The following NT5C2 variants were observed in gnomAD, a reference collection of about 807,000 sequenced individuals.
NT5C2 encodes the protein 5'-nucleotidase, cytosolic II, also known as cytosolic purine 5'-nucleotidase.
In NT5C2, 58 loss-of-function variants were observed where a neutral mutation model predicts 76.1. The ratio of observed to expected loss-of-function variants is 0.76; its 90% CI spans 0.62 to 0.95. The LOEUF (loss-of-function observed/expected upper bound fraction) is 0.95. Ranked by LOEUF, NT5C2 falls within the 40% of genes least tolerant of loss-of-function variation. The probability of loss-of-function intolerance (pLI) is 0.00; values close to 1 mark genes in which losing one functional copy is unlikely to be tolerated. For synonymous variants in NT5C2, 229 were observed against 237.4 expected (o/e 0.96, Z 0.32); for missense variants, 478 against 690.3 (o/e 0.69, Z 3.45).
In NT5C2 at chr10:103,125,366, G is replaced by A. The variant is rs1314043026; in HGVS notation, c.175+14040C>T. On this transcript the variant is annotated intron_variant, in intron 4 of 18. Coordinates refer to ENST00000404739, the MANE Select transcript of NT5C2 (RefSeq NM_001351169.2). The stretch of plus-strand genomic sequence containing the variant: ...GAACCTGGCGTTTGCCTGTCTTTTC[G>A]ACATTGCTGATGCTCTTGAGGGCAT... The A allele has an allele frequency of 1.7e-4, 57 of 332,092 alleles. 1 individual carries two copies. The highest frequency in any genetic ancestry group is 1.5e-3 in the South Asian group (51 of 33,740). 20.6% of individuals were successfully genotyped at this position (332,092 alleles called of 1,614,324 possible). A position where few individuals can be genotyped will look rare whatever the true frequency, so the allele number is the denominator to read the frequency against.
intron 4 of NT5C2, among the ~76,000 whole-genome samples, chr10:103,113,861 C>G (rs1013914838): frequency 6.6e-6 from 1 of 152,146 alleles, no homozygotes; most frequent in African/African-American, 2.4e-5. Context: ...TTTTTATAAC[C>G]AATTTCTCAA....
At chr10:103,140,997 C>T (rs1331569312) in intron 3 of NT5C2, among the ~76,000 whole-genome samples, 5 of 152,110 alleles carry the variant, frequency 3.3e-5, no homozygotes, top group Admixed American at 1.3e-4. Flanking sequence ...TCCTTTGCTG[C>T]GCAGAAGCTT....
intron 3 of NT5C2, among the ~76,000 whole-genome samples, chr10:103,150,215 A>T (rs1487720105): frequency 6.6e-6 from 1 of 152,204 alleles, no homozygotes; most frequent in Non-Finnish European, 1.5e-5. Flanking sequence ...GTTCTTTTGC[A>T]ATACCCTCCC....
At chr10:103,138,682 T>C (rs953538000) in intron 4 of NT5C2, among the ~76,000 whole-genome samples, 12 of 152,336 alleles carry the variant, frequency 7.9e-5, no homozygotes, top group African/African-American at 2.4e-4. Flanking sequence ...ATCATTTCAA[T>C]GGAAAATGAA....
At chr10:103,154,928 A>C (rs1477849400) in intron 3 of NT5C2, among the ~76,000 whole-genome samples, 1 of 152,202 alleles carries the variant, frequency 6.6e-6, no homozygotes, top group East Asian at 1.9e-4. Flanking sequence ...AGCTCAGTGC[A>C]GTGGAAATAA....
chr10:103,189,817 C>T (rs532625822), intron 1 of NT5C2, among the ~76,000 whole-genome samples: 13 of 150,202 alleles, frequency 8.7e-5, no homozygotes, highest in African/African-American at 3.2e-4. Context: ...TACAGGTGGG[C>T]GCCATCACGC....
chr10:103,137,106 G>T (rs577414039), intron 4 of NT5C2, among the ~76,000 whole-genome samples: 31 of 152,242 alleles, frequency 2.0e-4, no homozygotes, highest in East Asian at 1.4e-3. Flanking sequence ...AAAAATATTT[G>T]TCACTTTTTG....
At chr10:103,174,343 T>C (rs1397037963) in intron 3 of NT5C2, among the ~76,000 whole-genome samples, 1 of 152,174 alleles carries the variant, frequency 6.6e-6, no homozygotes, top group Admixed American at 6.5e-5. Flanking sequence ...AGGCAGAGGT[T>C]GCAGTGAACT....
chr10:103,153,371 G>A, intron 3 of NT5C2: 12 of 1,242,336 alleles, frequency 9.7e-6, no homozygotes, highest in Non-Finnish European at 1.2e-5. Flanking sequence ...GATCTCTTGA[G>A]AACTGTAGCT....
intron 4 of NT5C2, among the ~76,000 whole-genome samples, chr10:103,135,685 G>A (rs905786429): frequency 3.3e-5 from 5 of 152,126 alleles, no homozygotes; most frequent in African/African-American, 9.7e-5. Context: ...CTACTCAGGA[G>A]GCTGAGGCAG....
chr10:103,102,108 T>C (rs1041123796), intron 6 of NT5C2, among the ~76,000 whole-genome samples: 1 of 152,064 alleles, frequency 6.6e-6, no homozygotes, highest in African/African-American at 2.4e-5. Context: ...GGAAAGACAA[T>C]GTGATGCACT....
intron 3 of NT5C2, among the ~76,000 whole-genome samples, chr10:103,142,635 T>C (rs1448115977): frequency 6.6e-6 from 1 of 151,540 alleles, no homozygotes; most frequent in Non-Finnish European, 1.5e-5. Flanking sequence ...ACCACTGCAT[T>C]CCAGCATGGG....
At chr10:103,136,032 A>G (rs945756801) in intron 4 of NT5C2, among the ~76,000 whole-genome samples, 11 of 152,188 alleles carry the variant, frequency 7.2e-5, no homozygotes, top group African/African-American at 2.7e-4. Flanking sequence ...GGTTGCAGTG[A>G]GCCAGGATTG....
chr10:103,161,675 G>A (rs1402098725), intron 3 of NT5C2, among the ~76,000 whole-genome samples: 3 of 151,962 alleles, frequency 2.0e-5, no homozygotes, highest in East Asian at 3.9e-4. Flanking sequence ...TGTGAGCTAT[G>A]ACTGCGCCAC....
At chr10:103,090,510 A>G in intron 18 of NT5C2, 101 bp downstream of exon 18, 2 of 1,091,208 alleles carry the variant, frequency 1.8e-6, no homozygotes, top group Non-Finnish European at 2.6e-6. Flanking sequence ...TCTGTACATC[A>G]GAAAGAAATG....
chr10:103,131,046 A>T (rs2078074314), intron 4 of NT5C2, among the ~76,000 whole-genome samples: 1 of 152,234 alleles, frequency 6.6e-6, no homozygotes, highest in Non-Finnish European at 1.5e-5. Flanking sequence ...GTTTCCTCAG[A>T]ACAAATTTAG....
chr10:103,094,532 C>T, intron 12 of NT5C2, 77 bp from the exon 13 acceptor site: 1 of 764,184 alleles, frequency 1.3e-6, no homozygotes, highest in East Asian at 2.6e-5. Flanking sequence ...CACTCAGATG[C>T]AAGGAATATA....
At chr10:103,174,118 C>T (rs2134794522) in intron 3 of NT5C2, among the ~76,000 whole-genome samples, 1 of 144,530 alleles carries the variant, frequency 6.9e-6, no homozygotes, top group South Asian at 2.2e-4. Context: ...AAAAAAAATT[C>T]ATTCTTGGCA....
chr10:103,192,724 CGG>C (rs2092727771), intron 1 of NT5C2, among the ~76,000 whole-genome samples: 2 of 152,190 alleles, frequency 1.3e-5, no homozygotes, highest in African/African-American at 4.8e-5. Flanking sequence ...CTTGGCTTCT[CGG>C]GAGGCGACCG....
Sources: gnomAD v4.1 joint callset for allele counts (sites outside exome capture counted in the v4.1 genomes callset) on GRCh38, gnomAD v4.1.1 for gene constraint, MANE v1.5 for transcripts, NCBI Gene and HGNC (gene_info 2026-07-23, HGNC 2026-07-21) for gene names.